The following DLGAP1 variants were observed in gnomAD, a reference collection of about 807,000 sequenced individuals.
DLGAP1 encodes disks large-associated protein 1.
A neutral mutation model predicts 90.8 loss-of-function variants in DLGAP1; 11 were observed. That is an observed-to-expected ratio of 0.12 (90% CI 0.08 to 0.20). The LOEUF (loss-of-function observed/expected upper bound fraction) is 0.20, where lower values mean the gene tolerates loss of function less well. Among genes scored for constraint, DLGAP1 ranks in the 10% least tolerant of loss-of-function variants. DLGAP1 has a pLI of 1.00. For synonymous variants in DLGAP1, 558 were observed against 540.7 expected (o/e 1.03, Z -0.44); for missense variants, 1,050 against 1,333.8 (o/e 0.79, Z 3.31).
At chr18:3,859,991 C>T (rs1041743794) in intron 4 of DLGAP1, among the ~76,000 whole-genome samples, 2 of 151,716 alleles carry the variant, frequency 1.3e-5, no homozygotes, top group African/African-American at 2.4e-5. Flanking sequence ...CCCAGCTACT[C>T]GGGAGGCTGA....
chr18:4,302,749 G>T (rs919969871), intron 1 of DLGAP1, among the ~76,000 whole-genome samples: 1 of 152,064 alleles, frequency 6.6e-6, no homozygotes, highest in African/African-American at 2.4e-5. Flanking sequence ...TAATTTCTAT[G>T]AAAAATGACA....
intron 2 of DLGAP1, among the ~76,000 whole-genome samples, chr18:4,119,001 C>T (rs2144087495): frequency 6.6e-6 from 1 of 152,274 alleles, no homozygotes; most frequent in Middle Eastern, 3.4e-3. Flanking sequence ...AATAACGACT[C>T]CTACCTTTGG....
chr18:4,287,905 A>AG (rs1265331720), intron 1 of DLGAP1, among the ~76,000 whole-genome samples: 1 of 151,960 alleles, frequency 6.6e-6, no homozygotes, highest in African/African-American at 2.4e-5. Flanking sequence ...AGAAAAAAAA[A>AG]GAGCGGGTAC....
rs1259002855 is a variant in DLGAP1, at chr18:3,729,457, C to G, written c.1351-82G>C. On this transcript the variant is annotated intron_variant, in intron 6 of 12. Transcript: ENST00000315677. This position sits in a 1 kb window ranked among gnomAD's most constrained non-coding sequence, Gnocchi z 6.2. Reference sequence around the variant, plus strand: ...CTCCAAGCATCTGCGAACTTCAATCCCCAGAAGAAAAAGCAGCGTCTGGTT... The same window carrying G: ...CTCCAAGCATCTGCGAACTTCAATCGCCAGAAGAAAAAGCAGCGTCTGGTT... 6 of 1,527,980 alleles carry G rather than the reference C, an allele frequency of 3.9e-6. No individual in the cohort carries two copies. The Admixed American group carries it at 1.2e-4, about 31-fold the overall frequency. The allele number at this position is 1,527,980 out of a possible 1,614,324, so 94.7% of individuals were successfully genotyped here.
intron 3 of DLGAP1, among the ~76,000 whole-genome samples, chr18:3,880,903 A>G (rs2071143624): frequency 2.7e-5 from 4 of 146,668 alleles, no homozygotes. Context: ...AGATGGCACC[A>G]CTGCACTCCA....
At chr18:4,262,037 G>A (rs990056222) in intron 1 of DLGAP1, among the ~76,000 whole-genome samples, 3 of 152,158 alleles carry the variant, frequency 2.0e-5, no homozygotes, top group East Asian at 1.9e-4. Flanking sequence ...ATATTAGATC[G>A]TTAGGTACTT....
chr18:4,307,685 T>C (rs953354444), intron 1 of DLGAP1, among the ~76,000 whole-genome samples: 5 of 148,862 alleles, frequency 3.4e-5, no homozygotes, highest in Admixed American at 6.7e-5. Context: ...ACTCTGTCCC[T>C]CAGGTAGCAA....
At chr18:4,350,434 C>A (rs996568775) in intron 1 of DLGAP1, among the ~76,000 whole-genome samples, 1 of 152,146 alleles carries the variant, frequency 6.6e-6, no homozygotes, top group Admixed American at 6.6e-5. Flanking sequence ...CAAAGCAATG[C>A]ATTTCAATTT....
At chr18:4,191,730 A>G (rs1428027840) in intron 1 of DLGAP1, among the ~76,000 whole-genome samples, 2 of 152,118 alleles carry the variant, frequency 1.3e-5, no homozygotes, top group Non-Finnish European at 2.9e-5. Flanking sequence ...CTCCTTAGGG[A>G]GGCACATTCT....
intron 10 of DLGAP1, among the ~76,000 whole-genome samples, chr18:3,514,053 G>A (rs184231756): frequency 3.3e-5 from 5 of 151,880 alleles, no homozygotes; most frequent in Admixed American, 3.3e-4. Flanking sequence ...CCTATTTCAA[G>A]AGGAGTTAGG....
At chr18:4,088,337 G>A (rs1320384951) in intron 2 of DLGAP1, among the ~76,000 whole-genome samples, 1 of 152,044 alleles carries the variant, frequency 6.6e-6, no homozygotes, top group African/African-American at 2.4e-5. Flanking sequence ...GCAACACAAT[G>A]CTACTACTTT....
intron 7 of DLGAP1, among the ~76,000 whole-genome samples, chr18:3,633,985 A>C (rs2058607517): frequency 6.6e-6 from 1 of 152,234 alleles, no homozygotes; most frequent in Non-Finnish European, 1.5e-5. Context: ...TACAATGTCA[A>C]GTAAAAAGAG....
rs188603089 is a variant in DLGAP1, at chr18:4,302,577, C to T, written c.-266-151290G>A. Among the ~76,000 whole-genome samples, 7 of 152,070 alleles carry T rather than the reference C, an allele frequency of 4.6e-5. No homozygotes were observed. In the East Asian group the frequency reaches 9.7e-4, roughly 21 times the overall value. On this transcript the variant is annotated intron_variant, in intron 1 of 12. Coordinates refer to ENST00000315677, the MANE Select transcript of DLGAP1 (RefSeq NM_004746.4). ...CAACACAAAGTTTTTAATGTATTGACAATGTGTCTATTTTTATGCCAGAAC... is the reference window on the plus strand; with the variant it reads ...CAACACAAAGTTTTTAATGTATTGATAATGTGTCTATTTTTATGCCAGAAC...
intron 8 of DLGAP1, among the ~76,000 whole-genome samples, chr18:3,570,126 TGTAA>T (rs1397363131): frequency 6.6e-6 from 1 of 151,974 alleles, no homozygotes; most frequent in Non-Finnish European, 1.5e-5. Flanking sequence ...CCCAGGTTTG[TGTAA>T]GTACCTTCTA....
In DLGAP1 at chr18:3,850,142, G is replaced by A. The variant is rs933389766; in HGVS notation, c.957+28970C>T. 2.4e-4 allele frequency among the ~76,000 whole-genome samples: 36 copies of A among 151,968 alleles called. 1 individual carries two copies. Among genetic ancestry groups the A allele is most frequent in the East Asian group, 1.9e-3 (10 of 5,162 alleles). On this transcript the variant is annotated intron_variant, in intron 4 of 12. Transcript: ENST00000315677. The stretch of plus-strand genomic sequence containing the variant: ...AGCACTTTGGGAGGCTGAGGTGGGC[G>A]GATCACTTCAAGTCAGGAGTTCAAG...
At position 3,879,509 on chromosome 18, in the gene DLGAP1, C is replaced by A; in HGVS notation, c.560G>T (p.Arg187Leu). The A allele has an allele frequency of 1.2e-6, 2 of 1,603,024 alleles. No individual in the cohort carries two copies. The highest frequency in any genetic ancestry group is 1.7e-6 in the Non-Finnish European group (2 of 1,179,560). ...RYGKRSKSKERRAEPKARPST... is the reference protein window; with the variant it reads ...RYGKRSKSKELRAEPKARPST... The stretch of plus-strand genomic sequence containing the variant: ...GGGCCGGGCCTTGGGCTCCGCGCGC[C>A]GCTCCTTGCTCTTGCTGCGTTTGCC... Residue 187 changes from arginine to leucine, a missense_variant, in exon 4 of 13, where the codon CGG becomes CTG. By Grantham distance (102) the Arg-to-Leu change is moderately radical. Coordinates refer to ENST00000315677, the MANE Select transcript of DLGAP1 (RefSeq NM_004746.4). The surrounding 1 kb of genome is among the most constrained non-coding windows in gnomAD (Gnocchi z 6.6).
intron 3 of DLGAP1, among the ~76,000 whole-genome samples, chr18:3,916,386 T>C (rs2072145007): frequency 6.6e-6 from 1 of 152,156 alleles, no homozygotes; most frequent in African/African-American, 2.4e-5. Flanking sequence ...CAGGGAAAGG[T>C]CTGCTGGCCT....
At chr18:3,862,308 A>G (rs1390032900) in intron 4 of DLGAP1, among the ~76,000 whole-genome samples, 1 of 152,224 alleles carries the variant, frequency 6.6e-6, no homozygotes, top group African/African-American at 2.4e-5. Flanking sequence ...ATCCATCTGC[A>G]CCCAGATATT....
At chr18:3,794,075 T>C (rs1022443813) in intron 5 of DLGAP1, among the ~76,000 whole-genome samples, 3 of 152,168 alleles carry the variant, frequency 2.0e-5, no homozygotes, top group African/African-American at 7.2e-5. Context: ...AACCCATGAA[T>C]GAACGAGGAC....
Sources: allele counts gnomAD v4.1 joint callset (sites outside exome capture counted in the v4.1 genomes callset), GRCh38; gene constraint gnomAD v4.1.1; non-coding constraint Gnocchi (gnomAD v3.1); transcripts MANE v1.5; gene names NCBI Gene and HGNC (gene_info 2026-07-23, HGNC 2026-07-21).